MTMR12: variants seen among roughly 807,000 people sequenced by gnomAD.
MTMR12 encodes the protein myotubularin related protein 12.
A neutral mutation model predicts 96.7 loss-of-function variants in MTMR12; 33 were observed. The ratio of observed to expected loss-of-function variants is 0.34; its 90% CI spans 0.26 to 0.46. MTMR12 has a LOEUF of 0.46. MTMR12 is among the 20% of genes least tolerant of loss of function. The pLI is 1.00. For synonymous variants in MTMR12, 298 were observed against 327.2 expected, an observed-to-expected ratio of 0.91 and a Z score of 0.96; for missense variants, 721 against 896.1, an observed-to-expected ratio of 0.80 and a Z score of 2.49.
chr5:32,254,811 T>G (rs1304443077), intron 8 of MTMR12, among the ~76,000 whole-genome samples: 1 of 151,970 alleles, frequency 6.6e-6, no homozygotes, highest in Non-Finnish European at 1.5e-5. Context: ...GCCATTGCAC[T>G]CCAGCCTGGG....
At chr5:32,299,133 T>C (rs1252981595) in intron 1 of MTMR12, among the ~76,000 whole-genome samples, 8 of 151,932 alleles carry the variant, frequency 5.3e-5, no homozygotes, top group South Asian at 2.1e-4. Flanking sequence ...TGAGGAATAA[T>C]AGCAACTAAA....
chr5:32,285,812 C>T (rs1486907192), intron 1 of MTMR12, among the ~76,000 whole-genome samples: 2 of 152,160 alleles, frequency 1.3e-5, no homozygotes, highest in African/African-American at 4.8e-5. Flanking sequence ...GACACACCTG[C>T]TGGAACCCAT....
chr5:32,288,233 T>C (rs1228728373), intron 1 of MTMR12, among the ~76,000 whole-genome samples: 1 of 152,190 alleles, frequency 6.6e-6, no homozygotes, highest in Admixed American at 6.5e-5. Flanking sequence ...CTGGGGACAC[T>C]GAGCTTGTAA....
At chr5:32,265,166 C>A (rs951492630) in intron 6 of MTMR12, among the ~76,000 whole-genome samples, 1 of 152,178 alleles carries the variant, frequency 6.6e-6, no homozygotes. Flanking sequence ...GCGAAACACC[C>A]ACCTCTACAA....
chr5:32,279,803 C>A (rs970208878), intron 1 of MTMR12, among the ~76,000 whole-genome samples: 1 of 152,222 alleles, frequency 6.6e-6, no homozygotes, highest in Non-Finnish European at 1.5e-5. Context: ...AGGGAGCGTG[C>A]AACCTGGATC....
intron 1 of MTMR12, among the ~76,000 whole-genome samples, chr5:32,307,764 C>T (rs1204830405): frequency 1.3e-5 from 2 of 152,108 alleles, no homozygotes; most frequent in African/African-American, 2.4e-5. Flanking sequence ...ATAAGCTCAC[C>T]GTGTTTAAAA....
intron 4 of MTMR12, 73 bp from the exon 5 acceptor site, chr5:32,271,020 T>C (rs748237088): frequency 1.3e-5 from 19 of 1,479,600 alleles, no homozygotes; most frequent in Non-Finnish European, 1.7e-5. Context: ...AGAAATGAAG[T>C]AGATGATCAA....
intron 1 of MTMR12, among the ~76,000 whole-genome samples, chr5:32,282,064 T>C (rs1169602025): frequency 1.3e-5 from 2 of 151,958 alleles, no homozygotes; most frequent in African/African-American, 2.4e-5. Flanking sequence ...CACTGGAATT[T>C]AAGGTGCCAC....
At chr5:32,284,317 C>CAAAA (rs57597487) in intron 1 of MTMR12, among the ~76,000 whole-genome samples, 12 of 47,238 alleles carry the variant, frequency 2.5e-4, no homozygotes, top group African/African-American at 5.1e-4. Context: ...GACCCTGTCT[C>CAAAA]AAAAAAAAAA....
chr5:32,290,086 C>T (rs1161060857), intron 1 of MTMR12, among the ~76,000 whole-genome samples: 1 of 152,232 alleles, frequency 6.6e-6, no homozygotes, highest in African/African-American at 2.4e-5. Context: ...CAAATTAACA[C>T]ATCTCCTGGT....
At chr5:32,246,458 G>GC (rs1299507451) in intron 10 of MTMR12, among the ~76,000 whole-genome samples, 1 of 152,202 alleles carries the variant, frequency 6.6e-6, no homozygotes, top group East Asian at 1.9e-4. Context: ...ACTGCGCCCA[G>GC]CAAGTAGGTT....
intron 13 of MTMR12, among the ~76,000 whole-genome samples, chr5:32,238,079 G>A (rs1748307527): frequency 6.8e-6 from 1 of 147,252 alleles, no homozygotes; most frequent in East Asian, 2.1e-4. Flanking sequence ...AGGAGGCAGA[G>A]GCTGCAGTGA....
intron 1 of MTMR12, among the ~76,000 whole-genome samples, chr5:32,287,958 C>A (rs150392006): frequency 2.2e-3 from 331 of 152,176 alleles, no homozygotes; most frequent in African/African-American, 7.8e-3. Context: ...GGGATTCTAC[C>A]TCCTGGGTAG....
rs186125334 is a variant in MTMR12 at position 32,279,012 on chromosome 5, G to A, written c.82-2270C>T. On this transcript the variant is annotated intron_variant, in intron 1 of 15. Coordinates refer to ENST00000382142, the MANE Select transcript of MTMR12 (RefSeq NM_001040446.3). Reference sequence around the variant, plus strand: ...AATCACTTGAACCCGAGAGGCAGAGGTTGCAGTGAGCCGAGATTGTGCCTT... The same window carrying A: ...AATCACTTGAACCCGAGAGGCAGAGATTGCAGTGAGCCGAGATTGTGCCTT... Among the ~76,000 whole-genome samples, 29 of 141,658 alleles carry A rather than the reference G, an allele frequency of 2.0e-4. No homozygotes were observed. The East Asian group carries it at 6.3e-3, about 31-fold the overall frequency. 92.9% of individuals were successfully genotyped at this position (141,658 alleles called of 152,430 possible).
chr5:32,250,231 T>C (rs1174084779), intron 8 of MTMR12, among the ~76,000 whole-genome samples: 1 of 152,092 alleles, frequency 6.6e-6, no homozygotes, highest in African/African-American at 2.4e-5. Flanking sequence ...CATGTGGAGA[T>C]ATTCAGGAGG....
intron 10 of MTMR12, among the ~76,000 whole-genome samples, chr5:32,244,006 T>C (rs1356340879): frequency 6.6e-6 from 1 of 152,136 alleles, no homozygotes; most frequent in Non-Finnish European, 1.5e-5. Context: ...GGCTTAACTT[T>C]CATTAGAATC....
chr5:32,286,343 A>G (rs1750538409), intron 1 of MTMR12, among the ~76,000 whole-genome samples: 1 of 152,030 alleles, frequency 6.6e-6, no homozygotes, highest in Non-Finnish European at 1.5e-5. Context: ...TGTCTCCAAA[A>G]AATAAATAAT....
chr5:32,281,683 CA>C (rs1481545181), intron 1 of MTMR12, among the ~76,000 whole-genome samples: 1 of 152,084 alleles, frequency 6.6e-6, no homozygotes, highest in Non-Finnish European at 1.5e-5. Context: ...GGGTGGATCA[CA>C]AAGTCAGGAG....
chr5:32,270,840 T>C lies in MTMR12; in HGVS notation c.466A>G (p.Thr156Ala). 1 of 1,613,208 alleles carries C rather than the reference T, an allele frequency of 6.2e-7. No homozygotes were observed. Among genetic ancestry groups the C allele is most frequent in the Non-Finnish European group, 8.5e-7 (1 of 1,179,666 alleles). Reference protein sequence around the residue: ...LRVFQFCLRYTKEEEVKRIVS... With the variant: ...LRVFQFCLRYAKEEEVKRIVS... ...ACCCTTTTGACTTCCTCTTCCTTTG[T>C]GTACCTCAGACAAAACTGGAACACT... Residue 156 changes from threonine (T) to alanine (A), a missense_variant, in exon 5 of 16, where the codon ACA (threonine) becomes GCA (alanine). Transcript: ENST00000382142.
Sources: allele counts gnomAD v4.1 joint callset (sites outside exome capture counted in the v4.1 genomes callset), GRCh38; gene constraint gnomAD v4.1.1; transcripts MANE v1.5; gene names NCBI Gene and HGNC (gene_info 2026-07-23, HGNC 2026-07-21).